Variants in HCN1 observed in about 807,000 individuals in gnomAD.
HCN1 encodes the protein hyperpolarization activated cyclic nucleotide gated potassium channel 1.
In HCN1, 13 loss-of-function variants were observed where a neutral mutation model predicts 78.9. That is an observed-to-expected ratio of 0.16 (90% CI 0.11 to 0.26). HCN1 has a LOEUF of 0.26. Among genes scored for constraint, HCN1 ranks in the 10% least tolerant of loss-of-function variants. The pLI, the probability that HCN1 is intolerant of heterozygous loss-of-function variation, is 1.00. For missense variants in HCN1, 810 were observed against 1,154.3 expected (o/e 0.70, Z 4.32); for synonymous variants, 552 against 455.5 (o/e 1.21, Z -2.70).
intron 3 of HCN1, among the ~76,000 whole-genome samples, chr5:45,440,757 G>T (rs536510666): frequency 6.6e-6 from 1 of 152,286 alleles, no homozygotes; most frequent in African/African-American, 2.4e-5. Flanking sequence ...TCCTGGTGCT[G>T]TAGCTATTCT....
chr5:45,589,658 C>T (rs183678791), intron 2 of HCN1, among the ~76,000 whole-genome samples: 20 of 152,278 alleles, frequency 1.3e-4, no homozygotes, highest in Non-Finnish European at 2.4e-4. Flanking sequence ...CCTATATGTG[C>T]TTTCTAGAGA....
At chr5:45,668,908 A>T (rs557860554) in intron 1 of HCN1, among the ~76,000 whole-genome samples, 1 of 151,902 alleles carries the variant, frequency 6.6e-6, no homozygotes, top group African/African-American at 2.4e-5. Context: ...TTATTGACCA[A>T]AGCAAATTCT....
At chr5:45,554,861 C>A (rs1743440683) in intron 2 of HCN1, among the ~76,000 whole-genome samples, 8 of 151,782 alleles carry the variant, frequency 5.3e-5, no homozygotes. Flanking sequence ...GCATCTCACC[C>A]CTTCTTTGAC....
chr5:45,302,514 C>T (rs78584301), intron 6 of HCN1, among the ~76,000 whole-genome samples: 4,551 of 152,024 alleles, frequency 0.03, 267 homozygotes, highest in African/African-American at 0.1. Flanking sequence ...GCAGCCTTAT[C>T]AAAGAAGCAA....
At chr5:45,385,970 A>G (rs2112030111) in intron 4 of HCN1, among the ~76,000 whole-genome samples, 1 of 152,236 alleles carries the variant, frequency 6.6e-6, no homozygotes, top group Middle Eastern at 3.4e-3. Context: ...AGGAGCTCTC[A>G]TTGTAATAAA....
intron 2 of HCN1, among the ~76,000 whole-genome samples, chr5:45,554,016 C>G (rs1253896174): frequency 6.6e-6 from 1 of 151,816 alleles, no homozygotes; most frequent in Non-Finnish European, 1.5e-5. Flanking sequence ...TACTAAATCC[C>G]AACATCCAAG....
Position 45,431,766 on chromosome 5 carries a change from G to T in HCN1, c.1011+30080C>A, listed in dbSNP as rs147986898. ...TATAGGTGTGTAGCATTATTTCTGG[G>T]CTCTCTATTCTGCTCTATTGGTCTA... On this transcript the variant is annotated intron_variant, in intron 3 of 7. Transcript: ENST00000303230. Among the ~76,000 whole-genome samples, 359 of 152,082 alleles carry T rather than the reference G, an allele frequency of 2.4e-3. 2 individuals carry two copies. Among genetic ancestry groups the T allele is most frequent in the Non-Finnish European group, 6.8e-4 (46 of 67,994 alleles).
At chr5:45,308,955 G>A (rs1178034042) in intron 5 of HCN1, among the ~76,000 whole-genome samples, 1 of 152,118 alleles carries the variant, frequency 6.6e-6, no homozygotes, top group Non-Finnish European at 1.5e-5. Flanking sequence ...ATTGCTTTGG[G>A]CAGTATGGCC....
rs750563670 is a variant in HCN1 at position 45,645,619 on chromosome 5, TA to T, written c.426-12del. 1.9e-6 allele frequency: 3 copies of T among 1,571,096 alleles called. No homozygotes were observed. The highest frequency in any genetic ancestry group is 1.7e-4 in the Middle Eastern group (1 of 5,916). On this transcript the variant is annotated splice_polypyrimidine_tract_variant and intron_variant, in intron 1 of 7. Transcript: ENST00000303230. Reference sequence around the variant, plus strand: ...AAATCCCAGTAAAACCTACAACAAATAAAAAAATCAGATTTTAAGATATAGA... The same window carrying T: ...AAATCCCAGTAAAACCTACAACAAATAAAAAATCAGATTTTAAGATATAGA...
intron 3 of HCN1, among the ~76,000 whole-genome samples, chr5:45,441,548 C>T (rs1267396893): frequency 6.6e-6 from 1 of 152,164 alleles, no homozygotes; most frequent in Non-Finnish European, 1.5e-5. Flanking sequence ...CAATACTCTA[C>T]CAAATCTTTT....
intron 6 of HCN1, among the ~76,000 whole-genome samples, chr5:45,296,863 C>T (rs1413919932): frequency 6.6e-6 from 1 of 151,944 alleles, no homozygotes; most frequent in Non-Finnish European, 1.5e-5. Context: ...TGGAGCAATT[C>T]CTGGAAAGTA....
intron 4 of HCN1, among the ~76,000 whole-genome samples, chr5:45,363,710 T>G (rs1747171617): frequency 1.3e-5 from 2 of 151,964 alleles, no homozygotes; most frequent in South Asian, 4.1e-4. Context: ...GTGCTATTCT[T>G]GTGATAGTGA....
chr5:45,537,939 G>C (rs1743005179), intron 2 of HCN1, among the ~76,000 whole-genome samples: 1 of 151,696 alleles, frequency 6.6e-6, no homozygotes, highest in African/African-American at 2.4e-5. Flanking sequence ...TTGACAGAAA[G>C]TACCGTCCTT....
Position 45,509,769 on chromosome 5 carries a change from T to A in HCN1, c.850-47762A>T, listed in dbSNP as rs59642326. 8.5e-3 allele frequency among the ~76,000 whole-genome samples: 1,296 copies of A among 152,238 alleles called. 24 individuals carry two copies. Among genetic ancestry groups the A allele is most frequent in the African/African-American group, 0.031 (1,269 of 41,542 alleles). Reference sequence around the variant, plus strand: ...TTTTTCACTATAACAAGATGCAATTTAGAATCTAAAGAATATCATTGAAAT... The same window carrying A: ...TTTTTCACTATAACAAGATGCAATTAAGAATCTAAAGAATATCATTGAAAT... On this transcript the variant is annotated intron_variant, in intron 2 of 7. Transcript: ENST00000303230.
intron 2 of HCN1, among the ~76,000 whole-genome samples, chr5:45,536,235 G>A (rs887750787): frequency 2.6e-5 from 4 of 152,032 alleles, no homozygotes; most frequent in African/African-American, 9.7e-5. Context: ...GTAAATTGAT[G>A]TCTTCTGGGA....
At chr5:45,443,398 G>A (rs957181336) in intron 3 of HCN1, among the ~76,000 whole-genome samples, 18 of 152,016 alleles carry the variant, frequency 1.2e-4, no homozygotes, top group Admixed American at 1.0e-3. Flanking sequence ...CTATTTTAAT[G>A]ACATGGAAGG....
At chr5:45,346,263 T>C (rs1746705278) in intron 5 of HCN1, among the ~76,000 whole-genome samples, 1 of 152,126 alleles carries the variant, frequency 6.6e-6, no homozygotes, top group South Asian at 2.1e-4. Context: ...ATGAAAAACT[T>C]TGGTAAAGAA....
At chr5:45,660,809 C>T (rs1745916928) in intron 1 of HCN1, among the ~76,000 whole-genome samples, 1 of 134,408 alleles carries the variant, frequency 7.4e-6, no homozygotes, top group Admixed American at 7.7e-5. Context: ...TAAAGCAAGT[C>T]CTGAGTGACA....
chr5:45,315,049 C>G (rs922162958), intron 5 of HCN1, among the ~76,000 whole-genome samples: 1 of 152,158 alleles, frequency 6.6e-6, no homozygotes, highest in South Asian at 2.1e-4. Flanking sequence ...GAACTCAGCT[C>G]TGCACCAAGC....
Sources: gnomAD v4.1 joint callset for allele counts (sites outside exome capture counted in the v4.1 genomes callset) on GRCh38, gnomAD v4.1.1 for gene constraint, MANE v1.5 for transcripts, NCBI Gene and HGNC (gene_info 2026-07-23, HGNC 2026-07-21) for gene names.